Variants in GALNTL6 observed in about 807,000 individuals in gnomAD.
GALNTL6 encodes the protein polypeptide N-acetylgalactosaminyltransferase like 6, also known as polypeptide N-acetylgalactosaminyltransferase-like 6.
In GALNTL6, 46 loss-of-function variants were observed where a neutral mutation model predicts 73.7. The observed-to-expected ratio is 0.62, with a 90% CI of 0.49 to 0.80. GALNTL6 has a LOEUF of 0.80. GALNTL6 is among the 30% of genes least tolerant of loss of function. GALNTL6 has a pLI of 0.00. For missense variants in GALNTL6, 604 were observed against 755.0 expected (o/e 0.80, Z 2.34); for synonymous variants, 259 against 263.7 (o/e 0.98, Z 0.17).
At chr4:172,884,397 T>C (rs924888915) in intron 8 of GALNTL6, among the ~76,000 whole-genome samples, 4 of 152,216 alleles carry the variant, frequency 2.6e-5, no homozygotes, top group Non-Finnish European at 5.9e-5. Context: ...TTCATATACC[T>C]GTTGGCCATT....
intron 4 of GALNTL6, among the ~76,000 whole-genome samples, chr4:172,319,122 A>G (rs13146220): frequency 0.16 from 23,644 of 152,146 alleles, 1,973 homozygotes; most frequent in East Asian, 0.19. Flanking sequence ...TAGGTTGTAT[A>G]TAATAAAGAA....
At chr4:171,897,056 T>C (rs991515269) in intron 2 of GALNTL6, among the ~76,000 whole-genome samples, 2 of 151,628 alleles carry the variant, frequency 1.3e-5, no homozygotes, top group African/African-American at 4.8e-5. Flanking sequence ...ACAATGAAAA[T>C]GTACAGACCT....
intron 8 of GALNTL6, among the ~76,000 whole-genome samples, chr4:172,899,180 G>A (rs905960428): frequency 6.6e-6 from 1 of 152,266 alleles, no homozygotes; most frequent in African/African-American, 2.4e-5. Flanking sequence ...AGTGTCTGAG[G>A]GGTTCTTGTC....
intron 5 of GALNTL6, among the ~76,000 whole-genome samples, chr4:172,549,210 C>T (rs1388049946): frequency 6.6e-6 from 1 of 152,074 alleles, no homozygotes; most frequent in African/African-American, 2.4e-5. Flanking sequence ...TAACTTGCAT[C>T]GTTTTTATCT....
chr4:171,986,037 C>CA (rs10686994), intron 2 of GALNTL6, among the ~76,000 whole-genome samples: 5,349 of 82,148 alleles, frequency 0.065, 907 homozygotes, highest in African/African-American at 0.2. Context: ...GACTCTGTCT[C>CA]AAAAAAAAAA....
chr4:172,416,451 G>A (rs887180454), intron 5 of GALNTL6, among the ~76,000 whole-genome samples: 5 of 152,016 alleles, frequency 3.3e-5, no homozygotes, highest in South Asian at 2.1e-4. Flanking sequence ...AGAGATAAAC[G>A]AATACAATGA....
At chr4:172,346,481 T>C (rs1410200217) in intron 4 of GALNTL6, among the ~76,000 whole-genome samples, 1 of 152,228 alleles carries the variant, frequency 6.6e-6, no homozygotes, top group Admixed American at 6.5e-5. Context: ...TCTACATAGA[T>C]CTTGAACCTG....
At chr4:172,010,917 T>C (rs1219136074) in intron 2 of GALNTL6, among the ~76,000 whole-genome samples, 1 of 152,076 alleles carries the variant, frequency 6.6e-6, no homozygotes, top group Non-Finnish European at 1.5e-5. Context: ...AGATTTGAGA[T>C]GGTTCTTGTA....
intron 5 of GALNTL6, among the ~76,000 whole-genome samples, chr4:172,452,391 G>C (rs540927799): frequency 6.6e-6 from 1 of 151,998 alleles, no homozygotes; most frequent in African/African-American, 2.4e-5. Flanking sequence ...AAATTAGACT[G>C]GGCTGCCCTA....
chr4:171,879,059 T>G (rs1208249867), intron 2 of GALNTL6, among the ~76,000 whole-genome samples: 1 of 152,146 alleles, frequency 6.6e-6, no homozygotes, highest in Non-Finnish European at 1.5e-5. Flanking sequence ...CTTTATAATT[T>G]TCTGAGTCTC....
chr4:172,203,910 C>A (rs1295610171), intron 2 of GALNTL6, among the ~76,000 whole-genome samples: 4 of 152,068 alleles, frequency 2.6e-5, no homozygotes, highest in African/African-American at 9.7e-5. Flanking sequence ...CCATGCCTGG[C>A]TAATTTTGTA....
intron 2 of GALNTL6, among the ~76,000 whole-genome samples, chr4:172,219,554 G>C (rs1736606813): frequency 6.6e-6 from 1 of 151,768 alleles, no homozygotes; most frequent in African/African-American, 2.4e-5. Flanking sequence ...AGAGTACAGA[G>C]TAGATACCAG....
intron 9 of GALNTL6, among the ~76,000 whole-genome samples, chr4:172,942,461 A>G (rs1579686399): frequency 6.6e-6 from 1 of 152,196 alleles, no homozygotes; most frequent in Non-Finnish European, 1.5e-5. Flanking sequence ...AAAAATATCA[A>G]ATGGATTAAT....
intron 2 of GALNTL6, among the ~76,000 whole-genome samples, chr4:172,014,869 A>G (rs1171205281): frequency 6.6e-6 from 1 of 152,026 alleles, no homozygotes; most frequent in Non-Finnish European, 1.5e-5. Flanking sequence ...CGAAGGTTCC[A>G]TTCGGAGTGA....
At chr4:172,779,849 G>A (rs147387960) in intron 5 of GALNTL6, among the ~76,000 whole-genome samples, 17 of 152,322 alleles carry the variant, frequency 1.1e-4, no homozygotes, top group Admixed American at 2.6e-4. Flanking sequence ...AGGCTTTAGA[G>A]AGATTTTTTT....
At chr4:171,903,386 G>C (rs994492824) in intron 2 of GALNTL6, among the ~76,000 whole-genome samples, 1 of 152,138 alleles carries the variant, frequency 6.6e-6, no homozygotes, top group Admixed American at 6.5e-5. Context: ...GGTGATGGAC[G>C]GCACCTGGAA....
At chr4:172,906,359 A>G (rs1746892518) in intron 8 of GALNTL6, among the ~76,000 whole-genome samples, 1 of 152,222 alleles carries the variant, frequency 6.6e-6, no homozygotes, top group Non-Finnish European at 1.5e-5. Context: ...TAGGTGAAAC[A>G]GATGATTTCT....
At chr4:172,194,362 C>A (rs1735684275) in intron 2 of GALNTL6, among the ~76,000 whole-genome samples, 1 of 152,172 alleles carries the variant, frequency 6.6e-6, no homozygotes, top group South Asian at 2.1e-4. Context: ...AGAACAGAAC[C>A]AAGTTGGAAA....
chr4:172,585,749 G>T (rs1258857967), intron 5 of GALNTL6, among the ~76,000 whole-genome samples: 1 of 152,014 alleles, frequency 6.6e-6, no homozygotes, highest in African/African-American at 2.4e-5. Context: ...TAGAATGATT[G>T]ATAATCCTTT....
Sources: allele counts gnomAD v4.1 joint callset (sites outside exome capture counted in the v4.1 genomes callset), GRCh38; gene constraint gnomAD v4.1.1; transcripts MANE v1.5; gene names NCBI Gene and HGNC (gene_info 2026-07-23, HGNC 2026-07-21).